HEG1: variants seen among roughly 807,000 people sequenced by gnomAD.
HEG1 encodes the protein protein HEG homolog 1.
Under a neutral mutation model 125.6 loss-of-function variants are expected in HEG1, and 56 were observed. The ratio of observed to expected loss-of-function variants is 0.45; its 90% CI spans 0.36 to 0.56. The LOEUF (loss-of-function observed/expected upper bound fraction) is 0.56. Ranked by LOEUF, HEG1 falls within the 20% of genes least tolerant of loss-of-function variation. The pLI is 0.00. For synonymous variants in HEG1, 644 were observed against 668.5 expected (o/e 0.96, Z 0.57); for missense variants, 1,523 against 1,670.0 (o/e 0.91, Z 1.53).
At chr3:125,036,401 A>T (rs1937548205) in intron 1 of HEG1, among the ~76,000 whole-genome samples, 1 of 152,128 alleles carries the variant, frequency 6.6e-6, no homozygotes, top group Non-Finnish European at 1.5e-5. Flanking sequence ...CAGTTAAAAA[A>T]GGGTTGAGAA....
intron 12 of HEG1, among the ~76,000 whole-genome samples, chr3:124,993,312 A>G (rs1936862289): frequency 6.6e-6 from 1 of 152,198 alleles, no homozygotes. Context: ...TATATTATCA[A>G]ATCAGTTTTC....
rs1937351436 is a variant in HEG1, at chr3:125,022,601, A to AT, written c.914-1472dup. ...GAAACAGAAAGACCTGGACACAAAA[A>AT]TAGAGTCCCAGACCACCAAAACCCA... On this transcript the variant is annotated intron_variant, in intron 3 of 16. Transcript: ENST00000311127. Among the ~76,000 whole-genome samples, 8 of 152,218 alleles carry AT rather than the reference A, an allele frequency of 5.3e-5. No homozygotes were observed. In the South Asian group the frequency reaches 1.7e-3, roughly 32 times the overall value.
At chr3:125,043,932 A>G (rs1165228085) in intron 1 of HEG1, among the ~76,000 whole-genome samples, 2 of 152,188 alleles carry the variant, frequency 1.3e-5, no homozygotes, top group East Asian at 3.9e-4. Flanking sequence ...AGGGGTGTGC[A>G]CACTGGGCAG....
chr3:125,014,883 G>T (rs1267563410), intron 5 of HEG1: 2 of 1,289,872 alleles, frequency 1.6e-6, no homozygotes, highest in South Asian at 2.5e-5. Context: ...AGACCGCAGT[G>T]TGCGTTCCCC....
intron 12 of HEG1, among the ~76,000 whole-genome samples, chr3:124,997,149 C>A (rs1207098606): frequency 1.3e-5 from 2 of 152,142 alleles, no homozygotes; most frequent in Non-Finnish European, 2.9e-5. Flanking sequence ...ATATCCACTG[C>A]CTTCCTTAAC....
At chr3:125,011,309 G>A (rs961702630) in intron 6 of HEG1, among the ~76,000 whole-genome samples, 1 of 151,962 alleles carries the variant, frequency 6.6e-6, no homozygotes, top group African/African-American at 2.4e-5. Flanking sequence ...TTCCTATCCT[G>A]TATTGCCATG....
At chr3:125,007,324 C>T (rs1182536864) in intron 8 of HEG1, among the ~76,000 whole-genome samples, 1 of 151,866 alleles carries the variant, frequency 6.6e-6, no homozygotes, top group Non-Finnish European at 1.5e-5. Context: ...CAGTTTCATT[C>T]CAAACCCTGC....
At chr3:125,005,128 C>A in intron 9 of HEG1, 137 bp downstream of exon 9, 1 of 624,630 alleles carries the variant, frequency 1.6e-6, no homozygotes. Flanking sequence ...TTTCTTTAAC[C>A]AAGAAGTTTC....
At chr3:124,980,641 T>C (rs1936632129) in intron 14 of HEG1, among the ~76,000 whole-genome samples, 1 of 152,114 alleles carries the variant, frequency 6.6e-6, no homozygotes, top group Non-Finnish European at 1.5e-5. Context: ...CTCAACCTCC[T>C]GAGTAGCTGT....
rs150939546 is a variant in HEG1 at position 124,986,423 on chromosome 3, T to A, written c.3733+4364A>T. Among the ~76,000 whole-genome samples, 726 of 152,008 alleles carry A rather than the reference T, an allele frequency of 4.8e-3. 6 individuals carry two copies. Among genetic ancestry groups the A allele is most frequent in the Non-Finnish European group, 5.6e-3 (380 of 67,998 alleles). On this transcript the variant is annotated intron_variant, in intron 14 of 16. Transcript: ENST00000311127. ...TTGGCACAAAACGTTGAGTGATGAG[T>A]CACAGACTCCCAATATGCTATCACC...
intron 8 of HEG1, among the ~76,000 whole-genome samples, chr3:125,005,807 T>C (rs1453919571): frequency 6.6e-6 from 1 of 152,214 alleles, no homozygotes; most frequent in Non-Finnish European, 1.5e-5. Context: ...CATCAGGCTT[T>C]CGACAGAGGA....
At chr3:125,002,080 T>G (rs1286139112) in intron 10 of HEG1, 68 bp from the exon 11 acceptor site, 6 of 1,584,656 alleles carry the variant, frequency 3.8e-6, no homozygotes, top group African/African-American at 2.7e-5. Context: ...CTTTTGGAAA[T>G]GAATGTCATC....
chr3:125,042,404 G>A (rs961368653), intron 1 of HEG1, among the ~76,000 whole-genome samples: 17 of 152,186 alleles, frequency 1.1e-4, no homozygotes, highest in Non-Finnish European at 2.1e-4. Context: ...CTCCAGCCTG[G>A]GTGACAGAGC....
At chr3:125,028,180 C>T (rs1165268393) in intron 2 of HEG1, among the ~76,000 whole-genome samples, 1 of 152,224 alleles carries the variant, frequency 6.6e-6, no homozygotes, top group Non-Finnish European at 1.5e-5. Flanking sequence ...ACTCCAGGTT[C>T]CCTCCATCCT....
At chr3:124,989,506 CA>C (rs55957335) in intron 14 of HEG1, among the ~76,000 whole-genome samples, 90,546 of 151,980 alleles carry the variant, frequency 0.6, 27,213 homozygotes, top group Middle Eastern at 0.66. Flanking sequence ...GCTATATCCC[CA>C]AATTTAATTT....
At position 125,020,574 on chromosome 3, in the gene HEG1, T is replaced by C. The variant is rs73189204; in HGVS notation, c.1252+218A>G. On this transcript the variant is annotated intron_variant, in intron 4 of 16. Coordinates refer to ENST00000311127, the MANE Select transcript of HEG1 (RefSeq NM_020733.2). ...GGCCAGGCACCCATTACTTAAACAC[T>C]CAGAGCCGTAGTTTTCTCATCTATA... 3.9e-3 allele frequency among the ~76,000 whole-genome samples: 599 copies of C among 152,170 alleles called. 3 individuals are homozygous for C. The highest frequency in any genetic ancestry group is 7.4e-3 in the Non-Finnish European group (505 of 67,994).
intron 1 of HEG1, among the ~76,000 whole-genome samples, chr3:125,036,479 C>A (rs1937548882): frequency 6.6e-6 from 1 of 152,048 alleles, no homozygotes; most frequent in Admixed American, 6.5e-5. Flanking sequence ...CAGTCTTATA[C>A]AATCTATTTG....
intron 16 of HEG1, among the ~76,000 whole-genome samples, chr3:124,972,351 T>A (rs571920122): frequency 6.6e-6 from 1 of 152,352 alleles, no homozygotes; most frequent in African/African-American, 2.4e-5. Flanking sequence ...ACTTTCCTGA[T>A]AAACAGAGAA....
intron 1 of HEG1, among the ~76,000 whole-genome samples, chr3:125,046,735 T>A (rs1323074408): frequency 6.6e-6 from 1 of 152,192 alleles, no homozygotes; most frequent in Non-Finnish European, 1.5e-5. Context: ...GCAACCCCAT[T>A]TTCAATCCAG....
Sources: allele counts gnomAD v4.1 joint callset (sites outside exome capture counted in the v4.1 genomes callset), GRCh38; gene constraint gnomAD v4.1.1; transcripts MANE v1.5; gene names NCBI Gene and HGNC (gene_info 2026-07-23, HGNC 2026-07-21).